SPOCK1: variants seen among roughly 807,000 people sequenced by gnomAD.
SPOCK1 encodes the protein SPARC (osteonectin), cwcv and kazal like domains proteoglycan 1, also known as testican-1.
In SPOCK1, 23 loss-of-function variants were observed where a neutral mutation model predicts 55.3. That is an observed-to-expected ratio of 0.42 (90% CI 0.30 to 0.59). The LOEUF (loss-of-function observed/expected upper bound fraction) is 0.59. SPOCK1 is among the 20% of genes least tolerant of loss of function. The pLI is 0.22. For missense variants in SPOCK1, 499 were observed against 552.5 expected, an observed-to-expected ratio of 0.90 and a Z score of 0.97; for synonymous variants, 226 against 221.0, an observed-to-expected ratio of 1.02 and a Z score of -0.20.
At chr5:137,370,422 G>A (rs1206752455) in intron 2 of SPOCK1, among the ~76,000 whole-genome samples, 2 of 152,202 alleles carry the variant, frequency 1.3e-5, no homozygotes, top group African/African-American at 4.8e-5. Flanking sequence ...AACAGGCATT[G>A]GATGTCAAGA....
chr5:137,160,578 AT>A (rs1754519662), intron 3 of SPOCK1, among the ~76,000 whole-genome samples: 5 of 47,080 alleles, frequency 1.1e-4, no homozygotes, highest in African/African-American at 2.2e-4. Flanking sequence ...ATATTATATA[AT>A]ATATATAATA....
intron 2 of SPOCK1, among the ~76,000 whole-genome samples, chr5:137,457,558 T>C (rs1304271971): frequency 6.6e-6 from 1 of 152,228 alleles, no homozygotes; most frequent in Non-Finnish European, 1.5e-5. Flanking sequence ...ACAGTACTTG[T>C]GCAAAGATGC....
chr5:137,022,434 T>A (rs964159315), intron 6 of SPOCK1, among the ~76,000 whole-genome samples: 3 of 152,192 alleles, frequency 2.0e-5, no homozygotes, highest in African/African-American at 7.2e-5. Context: ...CCACCATAGA[T>A]ACTGACGATC....
intron 6 of SPOCK1, among the ~76,000 whole-genome samples, chr5:137,027,553 G>C (rs1325053966): frequency 1.3e-5 from 2 of 151,994 alleles, no homozygotes; most frequent in African/African-American, 2.4e-5. Flanking sequence ...GTGTGACCAA[G>C]GAATTGAGCT....
intron 6 of SPOCK1, among the ~76,000 whole-genome samples, chr5:137,040,766 GT>G (rs1233067091): frequency 6.6e-6 from 1 of 152,148 alleles, no homozygotes; most frequent in Non-Finnish European, 1.5e-5. Flanking sequence ...CTAGGAATCA[GT>G]TTTCTTTTGG....
intron 2 of SPOCK1, among the ~76,000 whole-genome samples, chr5:137,398,284 A>T (rs1046880184): frequency 6.6e-6 from 1 of 152,120 alleles, no homozygotes; most frequent in Non-Finnish European, 1.5e-5. Context: ...GTGCCTAGAG[A>T]CTAAGTGTTC....
intron 3 of SPOCK1, among the ~76,000 whole-genome samples, chr5:137,212,686 G>A (rs1314375169): frequency 6.6e-6 from 1 of 152,176 alleles, no homozygotes; most frequent in African/African-American, 2.4e-5. Context: ...CTGGGCCAAA[G>A]GCAAGGAGAC....
intron 4 of SPOCK1, 107 bp downstream of exon 4, chr5:137,140,473 C>A (rs1486328803): frequency 1.2e-6 from 1 of 867,002 alleles, no homozygotes; most frequent in South Asian, 1.8e-5. Flanking sequence ...GCGACCCTAA[C>A]ACTATGCTCT....
chr5:137,089,278 C>T (rs1217532243), intron 5 of SPOCK1, among the ~76,000 whole-genome samples: 1 of 152,204 alleles, frequency 6.6e-6, no homozygotes, highest in African/African-American at 2.4e-5. Context: ...ACTTCAGAAG[C>T]CACTGTGTCT....
At chr5:137,199,124 T>G (rs1320901061) in intron 3 of SPOCK1, among the ~76,000 whole-genome samples, 4 of 152,208 alleles carry the variant, frequency 2.6e-5, no homozygotes, top group African/African-American at 9.6e-5. Context: ...GAGGAAAAAT[T>G]CATCTTCCTC....
At chr5:137,403,698 C>T (rs1413272245) in intron 2 of SPOCK1, among the ~76,000 whole-genome samples, 3 of 151,218 alleles carry the variant, frequency 2.0e-5, no homozygotes, top group East Asian at 2.0e-4. Flanking sequence ...CCAGGCAGCA[C>T]GGGCACAGGA....
At chr5:137,137,199 T>G (rs531546121) in intron 4 of SPOCK1, among the ~76,000 whole-genome samples, 1 of 152,344 alleles carries the variant, frequency 6.6e-6, no homozygotes, top group South Asian at 2.1e-4. Flanking sequence ...GCTAACTCTC[T>G]GTGTGCACTC....
At chr5:137,311,446 GTTC>G (rs1422274487) in intron 2 of SPOCK1, among the ~76,000 whole-genome samples, 1 of 152,190 alleles carries the variant, frequency 6.6e-6, no homozygotes, top group Non-Finnish European at 1.5e-5. Context: ...CCTTACAAAT[GTTC>G]TTCTTCCATA....
At chr5:137,000,090 T>G (rs773682161) in intron 6 of SPOCK1, among the ~76,000 whole-genome samples, 2 of 152,192 alleles carry the variant, frequency 1.3e-5, no homozygotes, top group Non-Finnish European at 2.9e-5. Context: ...TAAACTTTAG[T>G]GCCTCCGAAG....
intron 3 of SPOCK1, among the ~76,000 whole-genome samples, chr5:137,176,529 T>TGG (rs56995357): frequency 6.7e-6 from 1 of 148,920 alleles, no homozygotes; most frequent in Non-Finnish European, 1.5e-5. Flanking sequence ...TGTGTGTGTG[T>TGG]AGGTACATGT....
chr5:137,376,607 T>C (rs1237787291), intron 2 of SPOCK1, among the ~76,000 whole-genome samples: 1 of 152,204 alleles, frequency 6.6e-6, no homozygotes, highest in Non-Finnish European at 1.5e-5. Flanking sequence ...TAGCTCCTTG[T>C]AGAAGATTCT....
intron 2 of SPOCK1, among the ~76,000 whole-genome samples, chr5:137,455,284 C>G (rs1309244996): frequency 1.3e-5 from 2 of 152,094 alleles, no homozygotes; most frequent in African/African-American, 4.8e-5. Context: ...TTATCTGAGG[C>G]CAGAAAAGGT....
rs1580961131 is a variant in SPOCK1, at chr5:137,498,378, G to A, written c.181C>T (p.Arg61Ter). The A allele has an allele frequency of 1.3e-6, 2 of 1,597,604 alleles. No individual in the cohort carries two copies. Among genetic ancestry groups the A allele is most frequent in the Middle Eastern group, 1.7e-4 (1 of 5,982 alleles). ...YDRDKYWNRF[R>*]DDDYFRNWNP... ...CGGGTGGCGCCGGTACTCACGTCTC[G>A]AAAGCGGTTCCAGTACTTGTCCCGG... is the stretch of plus-strand genomic sequence containing the variant. The change falls in exon 2 of 11, where the codon CGA becomes TGA. Residue 61 changes from arginine (R) to a stop codon, truncating the protein, a stop_gained. Coordinates refer to ENST00000394945, the MANE Select transcript of SPOCK1 (RefSeq NM_004598.4). LOFTEE classifies it high-confidence loss of function.
intron 6 of SPOCK1, among the ~76,000 whole-genome samples, chr5:137,044,375 C>T (rs1188177310): frequency 1.3e-5 from 2 of 152,098 alleles, no homozygotes; most frequent in East Asian, 3.9e-4. Context: ...AGCATTAAGA[C>T]ACACACACAA....
Sources: allele counts gnomAD v4.1 joint callset (sites outside exome capture counted in the v4.1 genomes callset), GRCh38; gene constraint gnomAD v4.1.1; transcripts MANE v1.5; gene names NCBI Gene and HGNC (gene_info 2026-07-23, HGNC 2026-07-21).